Variants in ENTREP2 observed in about 807,000 individuals in gnomAD.
ENTREP2 encodes the protein endosomal transmembrane epsin interactor 2, also known as protein ENTREP2.
the ENTREP2 span, chr15:29,266,908 G>A: frequency 6.6e-6 from 1 of 152,162 alleles, no homozygotes; most frequent in Non-Finnish European, 1.5e-5. Context: ...TTTTGCCTCA[G>A]ATATAACTGG....
the ENTREP2 span, among the ~76,000 whole-genome samples, chr15:29,368,327 C>CAAAAAAA: frequency 1.0e-4 from 14 of 139,126 alleles, no homozygotes; most frequent in East Asian, 1.3e-3. Context: ...GACTCCATCT[C>CAAAAAAA]AAAAAAAAAA....
At chr15:29,235,030 T>C in the ENTREP2 span, 2 of 1,208,486 alleles carry the variant, frequency 1.7e-6, no homozygotes, top group Non-Finnish European at 2.5e-6. Context: ...TTTAGATAAA[T>C]TCTCTTCTTC....
the ENTREP2 span, among the ~76,000 whole-genome samples, chr15:29,541,073 G>A: frequency 1.3e-5 from 2 of 152,162 alleles, no homozygotes; most frequent in Admixed American, 6.5e-5. Context: ...CTATGGCTCG[G>A]GGCCTGGGGA....
chr15:29,329,799 G>A, the ENTREP2 span, among the ~76,000 whole-genome samples: 3 of 152,162 alleles, frequency 2.0e-5, no homozygotes, highest in African/African-American at 7.2e-5. Context: ...GATTATAACT[G>A]TGAGTATAAA....
chr15:29,570,504 C>T, the ENTREP2 span: 1 of 1,370,070 alleles, frequency 7.3e-7, no homozygotes, highest in Non-Finnish European at 9.5e-7. Context: ...CGGACACTCA[C>T]CGAGAAGCCT....
At chr15:29,656,022 TAAA>T in the ENTREP2 span, among the ~76,000 whole-genome samples, 1,010 of 100,380 alleles carry the variant, frequency 0.01, 9 homozygotes, top group African/African-American at 0.026. Flanking sequence ...ACACTCCGTT[TAAA>T]AAAAAAAAAA....
At chr15:29,218,747 A>ATAAC in the ENTREP2 span, among the ~76,000 whole-genome samples, 1 of 152,248 alleles carries the variant, frequency 6.6e-6, no homozygotes, top group South Asian at 2.1e-4. Flanking sequence ...TGGTGTTGGG[A>ATAAC]TAACTGGCTA....
At chr15:29,217,918 TTC>T in the ENTREP2 span, among the ~76,000 whole-genome samples, 1 of 152,238 alleles carries the variant, frequency 6.6e-6, no homozygotes, top group South Asian at 2.1e-4. Flanking sequence ...GTTGTTCAGA[TTC>T]TTTTTTTCCC....
At chr15:29,674,172 A>G in the ENTREP2 span, among the ~76,000 whole-genome samples, 7 of 130,042 alleles carry the variant, frequency 5.4e-5, no homozygotes, top group Non-Finnish European at 9.4e-5. Context: ...CCTGTGCCCC[A>G]GGGGACCAGG....
the ENTREP2 span, among the ~76,000 whole-genome samples, chr15:29,576,094 T>C: frequency 6.6e-6 from 1 of 152,196 alleles, no homozygotes; most frequent in Admixed American, 6.5e-5. Flanking sequence ...CACAAAGGTA[T>C]AGTAATCTAA....
At chr15:29,647,211 T>C in the ENTREP2 span, among the ~76,000 whole-genome samples, 3 of 152,186 alleles carry the variant, frequency 2.0e-5, no homozygotes, top group Non-Finnish European at 4.4e-5. Context: ...ATGGAGGACA[T>C]ACAATAGGAA....
At chr15:29,139,101 G>A in the ENTREP2 span, among the ~76,000 whole-genome samples, 3,362 of 152,264 alleles carry the variant, frequency 0.022, 112 homozygotes, top group African/African-American at 0.072. Context: ...AGCTGACAGA[G>A]GCCAGGACGT....
the ENTREP2 span, among the ~76,000 whole-genome samples, chr15:29,409,900 T>C: frequency 6.6e-5 from 10 of 152,340 alleles, no homozygotes; most frequent in African/African-American, 2.4e-4. Flanking sequence ...GAATGACATC[T>C]TCACGAGACT....
the ENTREP2 span, among the ~76,000 whole-genome samples, chr15:29,443,216 T>G: frequency 1.3e-5 from 2 of 152,152 alleles, no homozygotes; most frequent in African/African-American, 4.8e-5. Context: ...ACCAGCCTCC[T>G]TGTCCCACAT....
chr15:29,215,396 G>C, the ENTREP2 span, among the ~76,000 whole-genome samples: 1 of 152,006 alleles, frequency 6.6e-6, no homozygotes, highest in Non-Finnish European at 1.5e-5. Flanking sequence ...GAAAAGGAGA[G>C]ACTGGCCTAG....
the ENTREP2 span, among the ~76,000 whole-genome samples, chr15:29,492,508 A>G: frequency 2.0e-5 from 3 of 152,180 alleles, no homozygotes; most frequent in African/African-American, 7.2e-5. Context: ...GTGTTCTATA[A>G]AACTCTAAGA....
chr15:29,525,176 C>T, the ENTREP2 span, among the ~76,000 whole-genome samples: 3 of 152,150 alleles, frequency 2.0e-5, no homozygotes, highest in African/African-American at 7.2e-5. Context: ...AATGAAGACA[C>T]TTTAGAAAAC....
At chr15:29,656,464 C>G in the ENTREP2 span, among the ~76,000 whole-genome samples, 36 of 152,264 alleles carry the variant, frequency 2.4e-4, no homozygotes, top group East Asian at 5.8e-3. Context: ...TGAGTGCAGG[C>G]AATCTGCCTG....
chr15:29,430,983 C>T, the ENTREP2 span, among the ~76,000 whole-genome samples: 14 of 152,300 alleles, frequency 9.2e-5, no homozygotes, highest in South Asian at 2.3e-3. Flanking sequence ...TGCGTAGCTA[C>T]CCAAAGCTGG....
Sources: allele counts gnomAD v4.1 joint callset (sites outside exome capture counted in the v4.1 genomes callset), GRCh38; gene constraint gnomAD v4.1.1; transcripts MANE v1.5; gene names NCBI Gene and HGNC (gene_info 2026-07-23, HGNC 2026-07-21).